The following ITGB8 variants were observed in gnomAD, a reference collection of about 807,000 sequenced individuals.
ITGB8 encodes integrin subunit beta 8.
ITGB8 carries 30 observed loss-of-function variants against 89.5 expected under a neutral mutation model. The ratio of observed to expected loss-of-function variants is 0.34; its 90% CI spans 0.25 to 0.45. The LOEUF (loss-of-function observed/expected upper bound fraction) is 0.45. Ranked by LOEUF, ITGB8 falls within the 20% of genes least tolerant of loss-of-function variation. ITGB8 has a pLI of 1.00. For synonymous variants in ITGB8, 335 were observed against 320.4 expected, an observed-to-expected ratio of 1.05 and a Z score of -0.49; for missense variants, 836 against 933.3, an observed-to-expected ratio of 0.90 and a Z score of 1.36.
In ITGB8 at chr7:20,414,231, G is replaced by A. The variant is rs1787860413; in HGVS notation, c.*4234G>A. 1 of 152,078 alleles carries A rather than the reference G, an allele frequency of 6.6e-6. No homozygotes were observed. The highest frequency in any genetic ancestry group is 1.5e-5 in the Non-Finnish European group (1 of 67,988). 9.4% of individuals were successfully genotyped at this position (152,078 alleles called of 1,614,324 possible). On this transcript the variant is annotated 3_prime_UTR_variant, in exon 14 of 14. Coordinates refer to ENST00000222573, the MANE Select transcript of ITGB8 (RefSeq NM_002214.3). Reference sequence around the variant, plus strand: ...TGAGAGCCCATTTATGACAAAATATGAAGGCGAAATTTAAGGACAACTGAG... The same window carrying A: ...TGAGAGCCCATTTATGACAAAATATAAAGGCGAAATTTAAGGACAACTGAG...
chr7:20,359,335 G>A (rs373290851), intron 1 of ITGB8, among the ~76,000 whole-genome samples: 1 of 152,174 alleles, frequency 6.6e-6, no homozygotes, highest in African/African-American at 2.4e-5. Context: ...TTAAAATGCA[G>A]TGTTCGAATA....
chr7:20,331,602 A>C lies in ITGB8; in HGVS notation c.-205A>C. The C allele has an allele frequency of 2.0e-6, 1 of 500,118 alleles. No homozygotes were observed. Among genetic ancestry groups the C allele is most frequent in the Non-Finnish European group, 3.3e-6 (1 of 304,842 alleles). 31.0% of individuals were successfully genotyped at this position (500,118 alleles called of 1,614,324 possible). On this transcript the variant is annotated 5_prime_UTR_variant, in exon 1 of 14. Transcript: ENST00000222573. ...GCGGGACCCGCCGTGCCGAGCCGGG[A>C]GGGCCGCAGGGGCCCTGAGATGCCG...
intron 1 of ITGB8, among the ~76,000 whole-genome samples, chr7:20,361,168 G>A (rs1008981937): frequency 6.6e-6 from 1 of 152,006 alleles, no homozygotes; most frequent in Non-Finnish European, 1.5e-5. Flanking sequence ...AGAAGTGTCT[G>A]TCCGTGTTCT....
chr7:20,340,764 G>A (rs970551136), intron 1 of ITGB8, among the ~76,000 whole-genome samples: 2 of 152,140 alleles, frequency 1.3e-5, no homozygotes, highest in Non-Finnish European at 2.9e-5. Context: ...GTAGGGAAGG[G>A]GGCTGGGTGA....
chr7:20,412,446 A>T lies in ITGB8; in HGVS notation c.*2449A>T, dbSNP rs1431431056. 1 of 152,546 alleles carries T rather than the reference A, an allele frequency of 6.6e-6. No individual in the cohort carries two copies. Among genetic ancestry groups the T allele is most frequent in the Non-Finnish European group, 1.5e-5 (1 of 68,038 alleles). 9.4% of individuals were successfully genotyped at this position (152,546 alleles called of 1,614,324 possible). A position where few individuals can be genotyped will look rare whatever the true frequency, so the allele number is the denominator to read the frequency against. ...AAGATGATGACAATTTTTGAAATGA[A>T]CATTATGATATTTATGAACAATAAA... On this transcript the variant is annotated 3_prime_UTR_variant, in exon 14 of 14. Coordinates refer to ENST00000222573, the MANE Select transcript of ITGB8 (RefSeq NM_002214.3).
intron 1 of ITGB8, among the ~76,000 whole-genome samples, chr7:20,359,515 G>C (rs996037022): frequency 6.6e-6 from 1 of 152,218 alleles, no homozygotes; most frequent in South Asian, 2.1e-4. Context: ...TGTAATGTTG[G>C]ATGGGAGGGC....
intron 1 of ITGB8, among the ~76,000 whole-genome samples, chr7:20,348,458 C>T (rs1785000595): frequency 6.6e-6 from 1 of 152,216 alleles, no homozygotes; most frequent in African/African-American, 2.4e-5. Context: ...CAGCCTCTGG[C>T]TCCTCTTGAA....
At chr7:20,395,224 G>C (rs761149968) in intron 8 of ITGB8, among the ~76,000 whole-genome samples, 1 of 152,172 alleles carries the variant, frequency 6.6e-6, no homozygotes, top group Non-Finnish European at 1.5e-5. Context: ...TGGGCTAGAG[G>C]CTATCTAAAT....
chr7:20,331,387 G>T lies in ITGB8; in HGVS notation c.-420G>T. The T allele has an allele frequency of 2.5e-6, 1 of 397,954 alleles. No homozygotes were observed. The highest frequency in any genetic ancestry group is 4.4e-6 in the Non-Finnish European group (1 of 226,472). The allele number at this position is 397,954 out of a possible 1,614,324, so 24.7% of individuals were successfully genotyped here. On this transcript the variant is annotated 5_prime_UTR_variant, in exon 1 of 14. Transcript: ENST00000222573. ...TTAGGGTGGTTTCCCCCCCAGCTTC[G>T]GGCTTTGTTTGGGTTTGATTGTGTT...
At position 20,395,159 on chromosome 7, in the gene ITGB8, G is replaced by T. The variant is rs6461493; in HGVS notation, c.1146+174G>T. Reference sequence around the variant, plus strand: ...ACCACTAACTAGCTTTTTGCTTTGGGAAAGTTATTTCTGCTTTCTGTGCCT... The same window carrying T: ...ACCACTAACTAGCTTTTTGCTTTGGTAAAGTTATTTCTGCTTTCTGTGCCT... On this transcript the variant is annotated intron_variant, in intron 8 of 13. Coordinates refer to ENST00000222573, the MANE Select transcript of ITGB8 (RefSeq NM_002214.3). Among the ~76,000 whole-genome samples the T allele has an allele frequency of 0.65, 98,077 of 152,012 alleles. 32,381 individuals carry two copies. The highest frequency in any genetic ancestry group is 0.99 in the East Asian group (5,103 of 5,178).
intron 8 of ITGB8, among the ~76,000 whole-genome samples, chr7:20,395,445 T>C (rs1338071330): frequency 1.3e-5 from 2 of 152,250 alleles, no homozygotes; most frequent in Admixed American, 1.3e-4. Flanking sequence ...ACCACTTGAT[T>C]GTTCAACAAT....
In ITGB8 at chr7:20,410,036, T is replaced by C; in HGVS notation, c.*39T>C. The C allele has an allele frequency of 6.3e-7, 1 of 1,580,568 alleles. No individual in the cohort carries two copies. Among genetic ancestry groups the C allele is most frequent in the South Asian group, 1.1e-5 (1 of 87,116 alleles). The stretch of plus-strand genomic sequence containing the variant: ...AACACTTAATGGGAAACTGGAATTG[T>C]TAATAATTGCTCCTAAAGATTATAA... On this transcript the variant is annotated 3_prime_UTR_variant, in exon 14 of 14. Transcript: ENST00000222573.
chr7:20,372,184 A>G (rs1164386350), intron 3 of ITGB8, among the ~76,000 whole-genome samples: 1 of 152,188 alleles, frequency 6.6e-6, no homozygotes, highest in Non-Finnish European at 1.5e-5. Context: ...TAAGTTTGAA[A>G]ATTATAAGTT....
Position 20,398,911 on chromosome 7 carries a change from T to C in ITGB8, c.1198T>C (p.Tyr400His). 1 of 1,605,500 alleles carries C rather than the reference T, an allele frequency of 6.2e-7. No homozygotes were observed. Among genetic ancestry groups the C allele is most frequent in the Non-Finnish European group, 8.5e-7 (1 of 1,177,102 alleles). The change falls in exon 9 of 14, where the codon TAT becomes CAT. Residue 400 changes from tyrosine (Y) to histidine (H), a missense_variant. By Grantham distance (83) the Tyr-to-His change is moderately conservative. Coordinates refer to ENST00000222573, the MANE Select transcript of ITGB8 (RefSeq NM_002214.3). ...VQVENQVQGI[Y>H]FNITAICPDG... ...GGTGGAAAACCAGGTACAAGGCATC[T>C]ATTTTAACATTACCGCCATCTGTCC... is the stretch of plus-strand genomic sequence containing the variant.
At chr7:20,356,243 C>A (rs1379479589) in intron 1 of ITGB8, among the ~76,000 whole-genome samples, 1 of 152,168 alleles carries the variant, frequency 6.6e-6, no homozygotes. Flanking sequence ...AACCTCAAAT[C>A]AAAACTTGGA....
At chr7:20,409,473 G>A in intron 12 of ITGB8, 142 bp from the exon 13 acceptor site, 1 of 584,404 alleles carries the variant, frequency 1.7e-6, no homozygotes, top group Non-Finnish European at 2.9e-6. Flanking sequence ...TGAATCAAAG[G>A]TAATTTCAAT....
intron 2 of ITGB8, among the ~76,000 whole-genome samples, chr7:20,364,376 A>C (rs1199674222): frequency 6.6e-6 from 1 of 152,192 alleles, no homozygotes; most frequent in Non-Finnish European, 1.5e-5. Context: ...TTTGCTTGAC[A>C]TGGAGATAAG....
chr7:20,351,527 C>CT (rs1244699108), intron 1 of ITGB8, among the ~76,000 whole-genome samples: 2 of 152,144 alleles, frequency 1.3e-5, no homozygotes, highest in Non-Finnish European at 2.9e-5. Flanking sequence ...GTAATAGATA[C>CT]TTGATTTTTT....
intron 1 of ITGB8, among the ~76,000 whole-genome samples, chr7:20,348,040 G>A (rs752882217): frequency 2.0e-5 from 3 of 152,142 alleles, no homozygotes; most frequent in Non-Finnish European, 4.4e-5. Context: ...TTGATAATGA[G>A]GAGAGGCATT....
Sources: gnomAD v4.1 joint callset for allele counts (sites outside exome capture counted in the v4.1 genomes callset) on GRCh38, gnomAD v4.1.1 for gene constraint, MANE v1.5 for transcripts, NCBI Gene and HGNC (gene_info 2026-07-23, HGNC 2026-07-21) for gene names.